CUL3: variants seen among roughly 807,000 people sequenced by gnomAD.
CUL3 encodes cullin-3.
CUL3 carries 19 observed loss-of-function variants against 89.1 expected under a neutral mutation model. The observed-to-expected ratio is 0.21, with a 90% CI of 0.15 to 0.31. The LOEUF is 0.31. Among genes scored for constraint, CUL3 ranks in the 10% least tolerant of loss-of-function variants. The pLI, the probability that CUL3 is intolerant of heterozygous loss-of-function variation, is 1.00. For synonymous variants in CUL3, 351 were observed against 308.4 expected, an observed-to-expected ratio of 1.14 and a Z score of -1.45; for missense variants, 469 against 942.3, an observed-to-expected ratio of 0.50 and a Z score of 6.58.
intron 1 of CUL3, among the ~76,000 whole-genome samples, chr2:224,572,696 T>C (rs1300629232): frequency 1.3e-5 from 2 of 150,888 alleles, no homozygotes; most frequent in Admixed American, 1.3e-4. Context: ...GGTAGAACCC[T>C]TGTGAATGGG....
At chr2:224,543,387 T>C (rs1338189593) in intron 2 of CUL3, among the ~76,000 whole-genome samples, 7 of 152,196 alleles carry the variant, frequency 4.6e-5, no homozygotes, top group East Asian at 1.9e-4. Context: ...ATCCTAATTA[T>C]ACCAGGACAT....
intron 3 of CUL3, among the ~76,000 whole-genome samples, chr2:224,528,130 T>G (rs2106249673): frequency 6.6e-6 from 1 of 152,304 alleles, no homozygotes; most frequent in Non-Finnish European, 1.5e-5. Flanking sequence ...TACCACAAAT[T>G]TGTGGTTTAT....
Position 224,584,285 on chromosome 2 carries a change from C to CA in CUL3, c.66+658_66+659insT, listed in dbSNP as rs201309337. 2.6e-4 allele frequency among the ~76,000 whole-genome samples: 39 copies of CA among 152,194 alleles called. No individual in the cohort carries two copies. The East Asian group carries it at 3.9e-3, about 15-fold the overall frequency. On this transcript the variant is annotated intron_variant, in intron 1 of 15. Coordinates refer to ENST00000264414, the MANE Select transcript of CUL3 (RefSeq NM_003590.5). ...CCGGTTTGCTCTCTGTTGCTTCCCC[C>CA]CCACCCGGCCTTCCTCCGAGTGGCG...
chr2:224,537,718 T>C (rs1160387779), intron 2 of CUL3, among the ~76,000 whole-genome samples: 1 of 152,128 alleles, frequency 6.6e-6, no homozygotes, highest in African/African-American at 2.4e-5. Flanking sequence ...ATTTCAAACA[T>C]CAGAATATCA....
At chr2:224,497,297 G>T (rs1692204443) in intron 12 of CUL3, among the ~76,000 whole-genome samples, 1 of 152,038 alleles carries the variant, frequency 6.6e-6, no homozygotes, top group Non-Finnish European at 1.5e-5. Flanking sequence ...CAAATCACTG[G>T]TCTAATACTA....
At chr2:224,488,849 T>C (rs1020682759) in intron 13 of CUL3, among the ~76,000 whole-genome samples, 1 of 152,150 alleles carries the variant, frequency 6.6e-6, no homozygotes, top group African/African-American at 2.4e-5. Flanking sequence ...GGAACATCGA[T>C]GTGAAAATTC....
intron 6 of CUL3, among the ~76,000 whole-genome samples, chr2:224,508,734 C>T (rs962393613): frequency 1.2e-4 from 18 of 152,130 alleles, no homozygotes; most frequent in African/African-American, 1.9e-4. Flanking sequence ...CTGAGACGGG[C>T]GGATCACAAG....
intron 3 of CUL3, among the ~76,000 whole-genome samples, chr2:224,529,838 A>C (rs1267061921): frequency 6.6e-6 from 1 of 152,188 alleles, no homozygotes; most frequent in Non-Finnish European, 1.5e-5. Flanking sequence ...AATTTTGAAC[A>C]ATCGTTACCT....
Position 224,526,783 on chromosome 2 carries a change from C to G in CUL3, c.378+8745G>C, listed in dbSNP as rs1199874893. Among the ~76,000 whole-genome samples the G allele has an allele frequency of 4.0e-5, 6 of 150,024 alleles. No individual in the cohort carries two copies. The East Asian group carries it at 9.8e-4, about 24-fold the overall frequency. Reference sequence around the variant, plus strand: ...AGGCACAGCGATCAAGTTTATCATTCTCCAACCTGGGCGACAGAGCAAGAC... The same window carrying G: ...AGGCACAGCGATCAAGTTTATCATTGTCCAACCTGGGCGACAGAGCAAGAC... On this transcript the variant is annotated intron_variant, in intron 3 of 15. Coordinates refer to ENST00000264414, the MANE Select transcript of CUL3 (RefSeq NM_003590.5).
At chr2:224,548,079 A>C (rs1010651518) in intron 2 of CUL3, among the ~76,000 whole-genome samples, 2 of 152,244 alleles carry the variant, frequency 1.3e-5, no homozygotes, top group Non-Finnish European at 2.9e-5. Flanking sequence ...ACAAAAAGAC[A>C]TTGCAGTTTA....
intron 1 of CUL3, among the ~76,000 whole-genome samples, chr2:224,579,813 A>T (rs188617504): frequency 1.3e-5 from 2 of 152,308 alleles, no homozygotes; most frequent in Admixed American, 1.3e-4. Flanking sequence ...GGTTTCCCAA[A>T]CTCTGAAGGC....
At chr2:224,494,186 TA>T (rs1364248733) in intron 13 of CUL3, among the ~76,000 whole-genome samples, 9 of 152,162 alleles carry the variant, frequency 5.9e-5, no homozygotes, top group Non-Finnish European at 1.0e-4. Flanking sequence ...GAATATTAAA[TA>T]GGCCTAGAAC....
At chr2:224,545,920 T>C (rs1053757365) in intron 2 of CUL3, among the ~76,000 whole-genome samples, 11 of 152,204 alleles carry the variant, frequency 7.2e-5, no homozygotes, top group Non-Finnish European at 1.5e-4. Context: ...CACATAAAAT[T>C]TGACATTTTT....
intron 15 of CUL3, 114 bp from the exon 16 acceptor site, chr2:224,474,490 C>G: frequency 1.2e-6 from 1 of 826,280 alleles, no homozygotes; most frequent in Non-Finnish European, 1.8e-6. Flanking sequence ...ACTGGATTAC[C>G]AAAGATAAAA....
chr2:224,522,301 T>C (rs1362590258), intron 3 of CUL3, among the ~76,000 whole-genome samples: 2 of 152,296 alleles, frequency 1.3e-5, no homozygotes, highest in East Asian at 3.9e-4. Flanking sequence ...AAGTTTCTAC[T>C]GCAGAATCAT....
chr2:224,558,980 C>T (rs552681312), intron 1 of CUL3, among the ~76,000 whole-genome samples: 19 of 151,342 alleles, frequency 1.3e-4, no homozygotes, highest in Admixed American at 9.2e-4. Flanking sequence ...GGTGTGAGCC[C>T]GGGAGGCAGA....
At chr2:224,572,652 AG>A (rs911023666) in intron 1 of CUL3, among the ~76,000 whole-genome samples, 2 of 131,232 alleles carry the variant, frequency 1.5e-5, no homozygotes, top group African/African-American at 2.9e-5. Context: ...AAAAAAAAAA[AG>A]GTGGGGTCTT....
chr2:224,570,810 T>C (rs776234836), intron 1 of CUL3, among the ~76,000 whole-genome samples: 2 of 152,122 alleles, frequency 1.3e-5, no homozygotes, highest in Non-Finnish European at 2.9e-5. Flanking sequence ...TCAATTATGA[T>C]TTGCATTTCA....
chr2:224,501,091 T>C (rs1327003711), intron 10 of CUL3, among the ~76,000 whole-genome samples: 1 of 152,196 alleles, frequency 6.6e-6, no homozygotes, highest in Non-Finnish European at 1.5e-5. Context: ...ACTGAAAAGT[T>C]TGGGCCTTTT....
Sources: allele counts gnomAD v4.1 joint callset (sites outside exome capture counted in the v4.1 genomes callset), GRCh38; gene constraint gnomAD v4.1.1; transcripts MANE v1.5; gene names NCBI Gene and HGNC (gene_info 2026-07-23, HGNC 2026-07-21).